The following TAF5L variants were observed in gnomAD, a reference collection of about 807,000 sequenced individuals.
TAF5L encodes TAF5-like RNA polymerase II p300/CBP-associated factor-associated factor 65 kDa subunit 5L.
Under a neutral mutation model 51.3 loss-of-function variants are expected in TAF5L, and 7 were observed. The observed-to-expected ratio is 0.14, with a 90% CI of 0.08 to 0.26. TAF5L has a LOEUF of 0.26. TAF5L is among the 10% of genes least tolerant of loss of function. The probability of loss-of-function intolerance (pLI) is 1.00; values close to 1 mark genes in which losing one functional copy is unlikely to be tolerated. For missense variants in TAF5L, 575 were observed against 758.9 expected (o/e 0.76, Z 2.85); for synonymous variants, 291 against 308.1 (o/e 0.94, Z 0.58).
At chr1:229,622,390 T>C (rs909020944) in intron 1 of TAF5L, among the ~76,000 whole-genome samples, 2 of 152,104 alleles carry the variant, frequency 1.3e-5, no homozygotes, top group African/African-American at 4.8e-5. Context: ...GGGGAAAACC[T>C]TGCTTGTGAT....
Position 229,602,019 on chromosome 1 carries a change from T to C in TAF5L, c.972+176A>G. On this transcript the variant is annotated intron_variant, in intron 4 of 4. Transcript: ENST00000258281. The surrounding 1 kb of genome is among the most constrained non-coding windows in gnomAD (Gnocchi z 4.6). The stretch of plus-strand genomic sequence containing the variant: ...AATGCTGCTAAAAATTGTTTTTGCA[T>C]CTTAGGTTAGGCATGTGCAGGAATT... 1 of 1,437,828 alleles carries C rather than the reference T, an allele frequency of 7.0e-7. No homozygotes were observed. The allele number at this position is 1,437,828 out of a possible 1,614,324, so 89.1% of individuals were successfully genotyped here. A position where few individuals can be genotyped will look rare whatever the true frequency, so the allele number is the denominator to read the frequency against.
At chr1:229,626,102 C>G (rs1363409780), upstream of TAF5L, 2 of 151,424 alleles carry the variant, frequency 1.3e-5, no homozygotes, top group Non-Finnish European at 3.0e-5. Flanking sequence ...GGGCCTCCAA[C>G]GCGCAACCGT....
intron 1 of TAF5L, among the ~76,000 whole-genome samples, chr1:229,615,405 TATA>T (rs1664943929): frequency 1.3e-5 from 2 of 152,304 alleles, no homozygotes; most frequent in South Asian, 4.1e-4. Flanking sequence ...ATTTTAATTG[TATA>T]ATATTATTTA....
chr1:229,593,441 T>G (rs963224468), exon 5 of TAF5L: 3 of 152,170 alleles, frequency 2.0e-5, no homozygotes, highest in Non-Finnish European at 1.5e-5. Flanking sequence ...AATCTTTCTT[T>G]TGAGGGGAGA....
chr1:229,622,145 T>C (rs977951843), intron 1 of TAF5L, among the ~76,000 whole-genome samples: 3 of 152,114 alleles, frequency 2.0e-5, no homozygotes, highest in Non-Finnish European at 4.4e-5. Flanking sequence ...CATTTAACAC[T>C]TGCACTTTGT....
At chr1:229,617,231 G>A (rs1347224138) in intron 1 of TAF5L, among the ~76,000 whole-genome samples, 1 of 152,148 alleles carries the variant, frequency 6.6e-6, no homozygotes, top group Non-Finnish European at 1.5e-5. Flanking sequence ...GTGTGGATAT[G>A]TATATAAATA....
intron 1 of TAF5L, among the ~76,000 whole-genome samples, chr1:229,623,343 A>G (rs1252952789): frequency 6.6e-6 from 1 of 152,232 alleles, no homozygotes; most frequent in Non-Finnish European, 1.5e-5. Context: ...AGAAAAATTG[A>G]GTGTCTACTG....
At chr1:229,598,943 T>C (rs1040000939) in intron 4 of TAF5L, among the ~76,000 whole-genome samples, 1 of 152,094 alleles carries the variant, frequency 6.6e-6, no homozygotes, top group Non-Finnish European at 1.5e-5. Context: ...GTGATCCACC[T>C]GCCTCGGCCT....
intron 4 of TAF5L, among the ~76,000 whole-genome samples, chr1:229,596,275 A>C (rs72751749): frequency 0.26 from 39,488 of 151,982 alleles, 5,701 homozygotes; most frequent in South Asian, 0.41. Flanking sequence ...CCCTGTGCCC[A>C]AAAAAACCCA....
At chr1:229,606,111 A>C (rs887319257) in intron 3 of TAF5L, 1 of 984,708 alleles carries the variant, frequency 1.0e-6, no homozygotes, top group Non-Finnish European at 1.2e-6. Context: ...TACTACTTTA[A>C]AACTTACTGA....
At chr1:229,621,744 T>C (rs1302043712) in intron 1 of TAF5L, among the ~76,000 whole-genome samples, 1 of 152,204 alleles carries the variant, frequency 6.6e-6, no homozygotes, top group Non-Finnish European at 1.5e-5. Context: ...AACTATAATC[T>C]CTATTAATTT....
intron 3 of TAF5L, among the ~76,000 whole-genome samples, chr1:229,605,294 G>A (rs1181107838): frequency 6.6e-6 from 1 of 152,086 alleles, no homozygotes; most frequent in Non-Finnish European, 1.5e-5. Context: ...TTTAAGTATT[G>A]TTAACTTTAC....
At chr1:229,612,994 T>C (rs1021612138) in intron 2 of TAF5L, among the ~76,000 whole-genome samples, 2 of 151,772 alleles carry the variant, frequency 1.3e-5, no homozygotes, top group African/African-American at 2.4e-5. Flanking sequence ...AGCAATTTTT[T>C]TCCCCCAGAA....
At chr1:229,604,919 T>G (rs1664526658) in intron 3 of TAF5L, among the ~76,000 whole-genome samples, 1 of 152,158 alleles carries the variant, frequency 6.6e-6, no homozygotes, top group African/African-American at 2.4e-5. Context: ...TCTCGTTCCC[T>G]TATCATGGAA....
chr1:229,618,032 T>C (rs749352057), intron 1 of TAF5L, among the ~76,000 whole-genome samples: 1 of 152,156 alleles, frequency 6.6e-6, no homozygotes, highest in Admixed American at 6.5e-5. Flanking sequence ...CCAATGTACA[T>C]ATATTTCAAG....
In TAF5L at chr1:229,603,853, A is replaced by G. The variant is rs182404597; in HGVS notation, c.248-934T>C. On this transcript the variant is annotated intron_variant, in intron 3 of 4. Coordinates refer to ENST00000258281, the Ensembl canonical transcript of TAF5L. ...GCAAAGGTTTCGATGTGATTCATAC[A>G]CAGTGGGGAGACAGCAGGGCCACTG... is the stretch of plus-strand genomic sequence containing the variant. Among the ~76,000 whole-genome samples the G allele has an allele frequency of 1.8e-4, 28 of 152,368 alleles. No homozygotes were observed. In the East Asian group the frequency reaches 5.4e-3, roughly 29 times the overall value.
chr1:229,594,234 T>C lies in TAF5L; in HGVS notation c.*63A>G, dbSNP rs1664027818. 1.1e-5 allele frequency: 17 copies of C among 1,508,704 alleles called. No homozygotes were observed. Among genetic ancestry groups the C allele is most frequent in the Middle Eastern group, 2.4e-4 (1 of 4,108 alleles). 93.5% of individuals were successfully genotyped at this position (1,508,704 alleles called of 1,614,324 possible). A position where few individuals can be genotyped will look rare whatever the true frequency, so the allele number is the denominator to read the frequency against. On this transcript the variant is annotated 3_prime_UTR_variant, in exon 5 of 5. Coordinates refer to ENST00000258281, the Ensembl canonical transcript of TAF5L. The surrounding 1 kb of genome is among the most constrained non-coding windows in gnomAD (Gnocchi z 7.9). Reference sequence around the variant, plus strand: ...CAGTCAATGATTCAATCTCAGCTCATTGAAGGATTGCAACTGGAGGCTTTC... The same window carrying C: ...CAGTCAATGATTCAATCTCAGCTCACTGAAGGATTGCAACTGGAGGCTTTC...
At chr1:229,597,809 T>G (rs549379002) in intron 4 of TAF5L, among the ~76,000 whole-genome samples, 2 of 152,358 alleles carry the variant, frequency 1.3e-5, no homozygotes, top group Admixed American at 6.5e-5. Flanking sequence ...TATCATCTCA[T>G]GCACCCTTGT....
At chr1:229,620,954 T>TTA (rs1377971158) in intron 1 of TAF5L, among the ~76,000 whole-genome samples, 1 of 112,012 alleles carries the variant, frequency 8.9e-6, no homozygotes, top group East Asian at 3.4e-4. Flanking sequence ...ATTAAAACAT[T>TTA]TATGTGTGTG....
Sources: gnomAD v4.1 joint callset for allele counts (sites outside exome capture counted in the v4.1 genomes callset) on GRCh38, gnomAD v4.1.1 for gene constraint, Gnocchi (gnomAD v3.1) non-coding constraint, MANE v1.5 for transcripts, NCBI Gene and HGNC (gene_info 2026-07-23, HGNC 2026-07-21) for gene names.